Variants in SASH1 observed in about 807,000 individuals in gnomAD.
SASH1 encodes the protein SAM and SH3 domain-containing protein 1.
SASH1 carries 44 observed loss-of-function variants against 125.2 expected under a neutral mutation model. The ratio of observed to expected loss-of-function variants is 0.35; its 90% CI spans 0.28 to 0.45. The LOEUF is 0.45. SASH1 is among the 20% of genes least tolerant of loss of function. SASH1 has a pLI of 1.00. For synonymous variants in SASH1, 639 were observed against 649.1 expected, an observed-to-expected ratio of 0.98 and a Z score of 0.24; for missense variants, 1,426 against 1,614.5, an observed-to-expected ratio of 0.88 and a Z score of 2.00.
intron 2 of SASH1, among the ~76,000 whole-genome samples, chr6:148,407,239 C>G (rs1427952555): frequency 6.6e-6 from 1 of 152,166 alleles, no homozygotes; most frequent in African/African-American, 2.4e-5. Context: ...CTCCCTATTT[C>G]CCCTCCTCAC....
At chr6:148,378,350 G>A (rs945646712) in intron 1 of SASH1, among the ~76,000 whole-genome samples, 7 of 148,288 alleles carry the variant, frequency 4.7e-5, no homozygotes, top group Non-Finnish European at 1.0e-4. Flanking sequence ...CACTGAGCCC[G>A]GCCACAATTT....
chr6:148,379,950 G>T (rs568833493), intron 1 of SASH1: 1 of 456,356 alleles, frequency 2.2e-6, no homozygotes, highest in East Asian at 6.9e-5. Flanking sequence ...CCTGGATATC[G>T]TGTGCAGCCA....
chr6:148,318,126 GCATT>G (rs1255977861), intron 1 of SASH1, among the ~76,000 whole-genome samples: 1 of 152,140 alleles, frequency 6.6e-6, no homozygotes, highest in African/African-American at 2.4e-5. Flanking sequence ...ATTCATGGAG[GCATT>G]CATTCATTCT....
intron 8 of SASH1, among the ~76,000 whole-genome samples, chr6:148,490,013 T>TAAAAA (rs57304766): frequency 2.4e-5 from 3 of 124,978 alleles, no homozygotes; most frequent in African/African-American, 5.9e-5. Context: ...ATCCTGTCTT[T>TAAAAA]AAAAAAAAAA....
At chr6:148,506,528 G>A (rs1007639362) in intron 8 of SASH1, among the ~76,000 whole-genome samples, 1 of 152,098 alleles carries the variant, frequency 6.6e-6, no homozygotes, top group African/African-American at 2.4e-5. Context: ...TTGAACTCCA[G>A]TTCAGTAAGG....
chr6:148,359,249 C>A (rs1351350131), intron 1 of SASH1, among the ~76,000 whole-genome samples: 3 of 151,786 alleles, frequency 2.0e-5, no homozygotes, highest in Admixed American at 1.3e-4. Flanking sequence ...ACCTCCGCCT[C>A]CTGGGCTCAA....
At chr6:148,216,870 A>G in the SASH1 span, among the ~76,000 whole-genome samples, 1 of 152,084 alleles carries the variant, frequency 6.6e-6, no homozygotes, top group Non-Finnish European at 1.5e-5. Flanking sequence ...AGCTGGAATT[A>G]CAGGTGCTCA....
rs185070862 is a variant in SASH1 at position 148,357,807 on chromosome 6, C to A, written c.156+14584C>A. 9.2e-5 allele frequency among the ~76,000 whole-genome samples: 14 copies of A among 152,200 alleles called. No individual in the cohort carries two copies. In the East Asian group the frequency reaches 2.7e-3, roughly 29 times the overall value. ...AGGCACAGTGGCTCACACCTGTGATCCCAGCATTTTGGGAGACTGAGGTAG... is the reference window on the plus strand; with the variant it reads ...AGGCACAGTGGCTCACACCTGTGATACCAGCATTTTGGGAGACTGAGGTAG... On this transcript the variant is annotated intron_variant, in intron 1 of 19. Transcript: ENST00000367467.
At chr6:148,515,218 A>G (rs984149300) in intron 9 of SASH1, among the ~76,000 whole-genome samples, 9 of 152,174 alleles carry the variant, frequency 5.9e-5, no homozygotes, top group African/African-American at 2.2e-4. Context: ...TGTTTGAAAA[A>G]TGAAAATAAT....
At chr6:148,298,286 T>C (rs1398831560) in intron 1 of SASH1, among the ~76,000 whole-genome samples, 1 of 152,102 alleles carries the variant, frequency 6.6e-6, no homozygotes, top group Non-Finnish European at 1.5e-5. Context: ...GTTCTGGGAT[T>C]ATAGACATGA....
chr6:148,431,541 C>T (rs1776060133), intron 2 of SASH1, among the ~76,000 whole-genome samples: 1 of 152,126 alleles, frequency 6.6e-6, no homozygotes, highest in African/African-American at 2.4e-5. Context: ...ACACATGTTC[C>T]ATGAATTGAC....
intron 2 of SASH1, among the ~76,000 whole-genome samples, chr6:148,399,131 A>AC (rs1784069239): frequency 6.6e-6 from 1 of 151,248 alleles, no homozygotes; most frequent in South Asian, 2.1e-4. Context: ...TGCGGAAACC[A>AC]CCGGGTTGGC....
chr6:148,333,888 T>C (rs1048009359), intron 1 of SASH1, among the ~76,000 whole-genome samples: 3 of 151,914 alleles, frequency 2.0e-5, no homozygotes, highest in African/African-American at 7.2e-5. Context: ...AGTGGCGTGA[T>C]CTCAGCTCAC....
rs17642516 is a variant in SASH1, at chr6:148,495,368, G to A, written c.729+7653G>A. On this transcript the variant is annotated intron_variant, in intron 8 of 19. Transcript: ENST00000367467. The surrounding 1 kb of genome is among the most constrained non-coding windows in gnomAD (Gnocchi z 4.0). ...TCCTTCTACTTGTATAACCACTGTCGTCTTTTATAGAATCTGCTATTGTGA... is the reference window on the plus strand; with the variant it reads ...TCCTTCTACTTGTATAACCACTGTCATCTTTTATAGAATCTGCTATTGTGA... 9.2e-5 allele frequency among the ~76,000 whole-genome samples: 14 copies of A among 152,170 alleles called. No individual in the cohort carries two copies. The highest frequency in any genetic ancestry group is 3.9e-4 in the East Asian group (2 of 5,180).
intron 4 of SASH1, among the ~76,000 whole-genome samples, chr6:148,453,622 G>A (rs956283034): frequency 6.6e-5 from 10 of 152,206 alleles, no homozygotes; most frequent in East Asian, 1.9e-4. Flanking sequence ...TGGGGTGCTC[G>A]GAGAGACCAG....
At chr6:148,281,106 C>CTTTTTTTTTT (rs34144143) in intron 1 of SASH1, among the ~76,000 whole-genome samples, 10 of 69,260 alleles carry the variant, frequency 1.4e-4, no homozygotes, top group East Asian at 4.3e-4. Flanking sequence ...CCATGCCTAG[C>CTTTTTTTTTT]TTTTTTTTTT....
At chr6:148,424,242 T>G (rs1366425700) in intron 2 of SASH1, among the ~76,000 whole-genome samples, 1 of 151,646 alleles carries the variant, frequency 6.6e-6, no homozygotes, top group African/African-American at 2.4e-5. Context: ...CTTTTTTTTT[T>G]TTGGGGGGGG....
intron 8 of SASH1, among the ~76,000 whole-genome samples, chr6:148,504,754 C>G (rs1779707902): frequency 6.6e-6 from 1 of 152,112 alleles, no homozygotes; most frequent in South Asian, 2.1e-4. Context: ...GACAAGGCTC[C>G]TGGCCCGGGG....
At chr6:148,378,109 T>A (rs1280500696) in intron 1 of SASH1, among the ~76,000 whole-genome samples, 1 of 150,458 alleles carries the variant, frequency 6.6e-6, no homozygotes, top group Non-Finnish European at 1.5e-5. Context: ...TGGAGTGCAG[T>A]GGCGCAATCT....
Sources: gnomAD v4.1 joint callset for allele counts (sites outside exome capture counted in the v4.1 genomes callset) on GRCh38, gnomAD v4.1.1 for gene constraint, Gnocchi (gnomAD v3.1) non-coding constraint, MANE v1.5 for transcripts, NCBI Gene and HGNC (gene_info 2026-07-23, HGNC 2026-07-21) for gene names.